Variants in ZNF439 observed in about 807,000 individuals in gnomAD.
ZNF439 encodes the protein zinc finger protein 439.
Under a neutral mutation model 47.3 loss-of-function variants are expected in ZNF439, and 40 were observed. The observed-to-expected ratio is 0.85, with a 90% CI of 0.66 to 1.10. ZNF439 has a LOEUF of 1.10. Ranked by LOEUF, ZNF439 falls within the 50% of genes least tolerant of loss-of-function variation. ZNF439 has a pLI of 0.00. For missense variants in ZNF439, 556 were observed against 601.1 expected (o/e 0.93, Z 0.78); for synonymous variants, 171 against 198.8 (o/e 0.86, Z 1.18).
In ZNF439 at chr19:11,867,613, G is replaced by A; in HGVS notation, c.559G>A (p.Gly187Arg). ...SLRTQERDHT[G>R]KKPYACKECG... is the part of the protein sequence containing the mutation. ...GAGAACACAAGAAAGGGATCACACTGGAAAGAAACCCTATGCTTGTAAAGA... is the reference window on the plus strand; with the variant it reads ...GAGAACACAAGAAAGGGATCACACTAGAAAGAAACCCTATGCTTGTAAAGA... Residue 187 changes from glycine to arginine, a missense_variant, in exon 4 of 4, where the codon GGA becomes AGA. Transcript: ENST00000682736. The A allele has an allele frequency of 1.9e-6, 3 of 1,614,094 alleles. No individual in the cohort carries two copies. The South Asian group carries it at 3.3e-5, about 18-fold the overall frequency.
intron 1 of ZNF439, among the ~76,000 whole-genome samples, chr19:11,861,776 A>G (rs995257968): frequency 1.3e-5 from 2 of 152,172 alleles, no homozygotes; most frequent in Non-Finnish European, 2.9e-5. Flanking sequence ...TGTTGGTGGG[A>G]AATCGTCATT....
rs1456675795 is a variant in ZNF439, at chr19:11,868,542, G to T, written c.1488G>T (p.Lys496Asn). 1 of 1,611,290 alleles carries T rather than the reference G, an allele frequency of 6.2e-7. No individual in the cohort carries two copies. The highest frequency in any genetic ancestry group is 8.5e-7 in the Non-Finnish European group (1 of 1,178,736). ...TTCATGAAAGGACACAAACACATAA[G>T]AATGCACTCTGGAGAAAGACCTTAT... ...FRFHERTQTHKNALWRKTL is the reference protein window; with the variant it reads ...FRFHERTQTHNNALWRKTL Residue 496 changes from lysine to asparagine, a missense_variant, in exon 4 of 4, where the codon AAG (lysine) becomes AAT (asparagine). Coordinates refer to ENST00000682736, the MANE Select transcript of ZNF439 (RefSeq NM_001348719.2).
chr19:11,851,694 C>G (rs1017583966), intron 1 of ZNF439, among the ~76,000 whole-genome samples: 143 of 150,844 alleles, frequency 9.5e-4, no homozygotes, highest in African/African-American at 3.2e-3. Context: ...ATGTCTTGCT[C>G]TGTGGCCCAG....
At chr19:11,863,929 G>T (rs549728403) in intron 1 of ZNF439, among the ~76,000 whole-genome samples, 3 of 152,230 alleles carry the variant, frequency 2.0e-5, no homozygotes, top group Admixed American at 1.3e-4. Flanking sequence ...TCACTATGTT[G>T]CCCAGGCTGG....
At chr19:11,853,239 A>G (rs879474270) in intron 1 of ZNF439, among the ~76,000 whole-genome samples, 1 of 152,086 alleles carries the variant, frequency 6.6e-6, no homozygotes, top group Non-Finnish European at 1.5e-5. Flanking sequence ...TAAATTAGTA[A>G]TTTTCAAGAG....
intron 1 of ZNF439, among the ~76,000 whole-genome samples, chr19:11,865,423 C>T (rs941744860): frequency 1.3e-5 from 2 of 149,632 alleles, no homozygotes; most frequent in East Asian, 2.0e-4. Context: ...TGTCTCCCCT[C>T]CTCTCTGCTT....
At chr19:11,852,012 G>T (rs574192332) in intron 1 of ZNF439, among the ~76,000 whole-genome samples, 11 of 152,218 alleles carry the variant, frequency 7.2e-5, no homozygotes, top group Admixed American at 2.6e-4. Context: ...TTTCTAGCTG[G>T]TTTTTATTTC....
In ZNF439 at chr19:11,867,604, G is replaced by C; in HGVS notation, c.550G>C (p.Asp184His). The change falls in exon 4 of 4, where the codon GAT (aspartate) becomes CAT (histidine). Residue 184 changes from aspartate to histidine, a missense_variant. Asp to His is a moderately conservative substitution (Grantham distance 81). Transcript: ENST00000682736. ...YHPSLRTQER[D>H]HTGKKPYACK... ...CCCCTCCTTGAGAACACAAGAAAGG[G>C]ATCACACTGGAAAGAAACCCTATGC... 6.2e-7 allele frequency: 1 copy of C among 1,614,104 alleles called. No homozygotes were observed. Among genetic ancestry groups the C allele is most frequent in the Non-Finnish European group, 8.5e-7 (1 of 1,180,010 alleles).
chr19:11,858,073 T>A (rs74997717), intron 1 of ZNF439: 1 of 152,170 alleles, frequency 6.6e-6, no homozygotes, highest in Non-Finnish European at 1.5e-5. Flanking sequence ...GGTAAAACTT[T>A]CCTTTGATAA....
At chr19:11,851,835 GT>G in intron 1 of ZNF439, among the ~76,000 whole-genome samples, 1 of 152,098 alleles carries the variant, frequency 6.6e-6, no homozygotes, top group Non-Finnish European at 1.5e-5. Flanking sequence ...TTTTATGGAG[GT>G]GGGGTCTCGA....
intron 1 of ZNF439, 179 bp from the exon 2 acceptor site, chr19:11,866,023 TAAA>T: frequency 1.7e-6 from 2 of 1,193,964 alleles, no homozygotes; most frequent in Admixed American, 3.1e-5. Flanking sequence ...CTCAAAAAAA[TAAA>T]AAAAAAAATT....
intron 1 of ZNF439, chr19:11,858,268 C>G (rs1232271132): frequency 1.3e-5 from 2 of 150,060 alleles, no homozygotes; most frequent in Non-Finnish European, 2.9e-5. Context: ...ACCATCCTGC[C>G]TAACATGGTG....
intron 1 of ZNF439, among the ~76,000 whole-genome samples, chr19:11,863,912 C>T (rs1405403827): frequency 6.6e-6 from 1 of 152,112 alleles, no homozygotes; most frequent in Non-Finnish European, 1.5e-5. Flanking sequence ...ATTATGGATA[C>T]AGGGTCTCAC....
chr19:11,866,086 C>G (rs1015362749), intron 1 of ZNF439, 119 bp from the exon 2 acceptor site: 97 of 1,542,266 alleles, frequency 6.3e-5, no homozygotes, highest in Non-Finnish European at 8.1e-5. Context: ...ATCTGATGAC[C>G]AAAGCAGGGA....
At chr19:11,849,940 C>G (rs929312866) in intron 1 of ZNF439, 1 of 152,088 alleles carries the variant, frequency 6.6e-6, no homozygotes, top group Admixed American at 6.6e-5. Flanking sequence ...CATGTAAACT[C>G]CTAAAGGGAG....
At position 11,848,796 on chromosome 19, in the gene ZNF439, G is replaced by A; in HGVS notation, c.-72G>A. 1 of 1,422,090 alleles carries A rather than the reference G, an allele frequency of 7.0e-7. No homozygotes were observed. 88.1% of individuals were successfully genotyped at this position (1,422,090 alleles called of 1,614,324 possible). A position where few individuals can be genotyped will look rare whatever the true frequency, so the allele number is the denominator to read the frequency against. On this transcript the variant is annotated 5_prime_UTR_variant, in exon 1 of 4. Coordinates refer to ENST00000682736, the MANE Select transcript of ZNF439 (RefSeq NM_001348719.2). Reference sequence around the variant, plus strand: ...TTGTCGCTGCGAGGGCGGCGGTTGGGATCTGGCCTTTCCAGCCCCGAGAGG... The same window carrying A: ...TTGTCGCTGCGAGGGCGGCGGTTGGAATCTGGCCTTTCCAGCCCCGAGAGG...
At position 11,867,662 on chromosome 19, in the gene ZNF439, A is replaced by G. The variant is rs1976729511; in HGVS notation, c.608A>G (p.His203Arg). The G allele has an allele frequency of 2.5e-6, 4 of 1,614,038 alleles. No homozygotes were observed. Among genetic ancestry groups the G allele is most frequent in the Non-Finnish European group, 2.5e-6 (3 of 1,180,010 alleles). Reference protein sequence around the residue: ...CKECGKNIIYHSSIQRHMVVH... With the variant: ...CKECGKNIIYRSSIQRHMVVH... ...GAATGTGGAAAAAACATTATTTACC[A>G]TTCAAGCATTCAAAGACACATGGTA... Residue 203 changes from histidine to arginine, a missense_variant, in exon 4 of 4, where the codon CAT (histidine) becomes CGT (arginine). Transcript: ENST00000682736.
intron 1 of ZNF439, among the ~76,000 whole-genome samples, chr19:11,855,642 G>C (rs1301177287): frequency 6.6e-6 from 1 of 152,080 alleles, no homozygotes; most frequent in Non-Finnish European, 1.5e-5. Flanking sequence ...CAGAAAGAGC[G>C]TCACTCCAAA....
intron 1 of ZNF439, among the ~76,000 whole-genome samples, chr19:11,858,805 A>G (rs771494229): frequency 6.6e-6 from 1 of 152,206 alleles, no homozygotes; most frequent in African/African-American, 2.4e-5. Context: ...AAGGAGAAGT[A>G]TCAATGACCC....
Sources: gnomAD v4.1 joint callset for allele counts (sites outside exome capture counted in the v4.1 genomes callset) on GRCh38, gnomAD v4.1.1 for gene constraint, MANE v1.5 for transcripts, NCBI Gene and HGNC (gene_info 2026-07-23, HGNC 2026-07-21) for gene names.